NEK1: variants seen among roughly 807,000 people sequenced by gnomAD.
NEK1 encodes serine/threonine-protein kinase Nek1.
Under a neutral mutation model 182.1 loss-of-function variants are expected in NEK1, and 137 were observed. The ratio of observed to expected loss-of-function variants is 0.75; its 90% CI spans 0.65 to 0.87. The LOEUF is 0.87. Ranked by LOEUF, NEK1 falls within the 40% of genes least tolerant of loss-of-function variation. NEK1 has a pLI of 0.00. For missense variants in NEK1, 1,391 were observed against 1,494.4 expected (o/e 0.93, Z 1.14); for synonymous variants, 513 against 492.2 (o/e 1.04, Z -0.56).
At chr4:169,495,387 G>A (rs1171305504) in intron 23 of NEK1, among the ~76,000 whole-genome samples, 1 of 151,894 alleles carries the variant, frequency 6.6e-6, no homozygotes, top group African/African-American at 2.4e-5. Context: ...GGGACTACAG[G>A]CGCGCGCCAC....
chr4:169,492,916 C>T (rs1191744191), intron 23 of NEK1, among the ~76,000 whole-genome samples: 1 of 152,164 alleles, frequency 6.6e-6, no homozygotes, highest in Non-Finnish European at 1.5e-5. Context: ...GCCAATGCCT[C>T]GGAACAAACG....
At chr4:169,602,876 G>T (rs1471002963) in intron 2 of NEK1, among the ~76,000 whole-genome samples, 198 bp from the exon 3 acceptor site, 1 of 152,026 alleles carries the variant, frequency 6.6e-6, no homozygotes, top group East Asian at 1.9e-4. Flanking sequence ...AGAAAAAAAT[G>T]TGATATTTCA....
intron 12 of NEK1, among the ~76,000 whole-genome samples, chr4:169,563,784 A>C (rs76160720): frequency 7.3e-4 from 111 of 152,306 alleles, no homozygotes; most frequent in African/African-American, 2.6e-3. Flanking sequence ...AAACTTTTAA[A>C]AACAAAAGTT....
At chr4:169,424,457 T>G in intron 31 of NEK1, 96 bp downstream of exon 31, 1 of 1,368,014 alleles carries the variant, frequency 7.3e-7, no homozygotes. Flanking sequence ...TGTGTCTGTG[T>G]TAAGAGATTA....
In NEK1 at chr4:169,607,657, G is replaced by C. The variant is rs189882193; in HGVS notation, c.-49+4363C>G. Among the ~76,000 whole-genome samples the C allele has an allele frequency of 7.7e-4, 117 of 152,116 alleles. 5 individuals carry two copies. In the South Asian group the frequency reaches 0.023, roughly 29 times the overall value. On this transcript the variant is annotated intron_variant, in intron 2 of 35. Transcript: ENST00000507142. ...TTTTTGTATATTTAGTAGAGATGGG[G>C]TTTCACCGTGTTAGCCAGGATGGTC... is the stretch of plus-strand genomic sequence containing the variant.
intron 2 of NEK1, among the ~76,000 whole-genome samples, chr4:169,604,359 G>T (rs539835773): frequency 6.6e-6 from 1 of 152,208 alleles, no homozygotes; most frequent in Non-Finnish European, 1.5e-5. Context: ...TGAAAAAAGT[G>T]TGAGAAAGAG....
At chr4:169,511,166 T>C (rs924243681) in intron 19 of NEK1, among the ~76,000 whole-genome samples, 3 of 152,154 alleles carry the variant, frequency 2.0e-5, no homozygotes, top group Non-Finnish European at 2.9e-5. Flanking sequence ...AAAGTATTAC[T>C]GTAAGAGCAT....
chr4:169,536,698 A>T (rs1234724920), intron 19 of NEK1, among the ~76,000 whole-genome samples: 1 of 149,964 alleles, frequency 6.7e-6, no homozygotes, highest in Non-Finnish European at 1.5e-5. Flanking sequence ...AGTAAGACAT[A>T]AGGAATGATG....
At chr4:169,446,016 G>C (rs183180226) in intron 27 of NEK1, among the ~76,000 whole-genome samples, 93 of 151,856 alleles carry the variant, frequency 6.1e-4, no homozygotes, top group South Asian at 1.9e-3. Flanking sequence ...TTATAGGTGG[G>C]AGCTAAAAAA....
intron 27 of NEK1, among the ~76,000 whole-genome samples, chr4:169,460,281 C>T (rs573343820): frequency 6.6e-6 from 1 of 151,306 alleles, no homozygotes; most frequent in South Asian, 2.1e-4. Context: ...GGAGGCGTCA[C>T]GATCATGGCA....
At chr4:169,507,164 AC>A in intron 22 of NEK1, 32 bp from the exon 23 acceptor site, 1 of 1,265,308 alleles carries the variant, frequency 7.9e-7, no homozygotes, top group Admixed American at 2.3e-5. Flanking sequence ...AAAATGAGTT[AC>A]CAGAAAGAAG....
Position 169,477,554 on chromosome 4 carries a change from T to C in NEK1, c.2140-57A>G, listed in dbSNP as rs934028599. The C allele has an allele frequency of 5.6e-6, 7 of 1,246,500 alleles. No homozygotes were observed. The African/African-American group carries it at 9.1e-5, about 16-fold the overall frequency. 77.2% of individuals were successfully genotyped at this position (1,246,500 alleles called of 1,614,324 possible). ...TAATTTTATTTTTTTAAATCTACCT[T>C]TAAAAATATTACATCCTCGTTACTT... is the stretch of plus-strand genomic sequence containing the variant. On this transcript the variant is annotated intron_variant, in intron 24 of 35. Transcript: ENST00000507142.
intron 27 of NEK1, among the ~76,000 whole-genome samples, chr4:169,453,716 TA>T (rs1290044061): frequency 2.0e-5 from 3 of 152,238 alleles, no homozygotes; most frequent in Admixed American, 6.5e-5. Flanking sequence ...TCATTTCCCA[TA>T]AGGGATATTT....
chr4:169,471,383 C>T (rs1745932211), intron 26 of NEK1, among the ~76,000 whole-genome samples: 1 of 152,196 alleles, frequency 6.6e-6, no homozygotes, highest in African/African-American at 2.4e-5. Context: ...TCAGGCCCCT[C>T]TTCTGCAGGT....
At chr4:169,454,876 C>G (rs1477479875) in intron 27 of NEK1, among the ~76,000 whole-genome samples, 2 of 152,166 alleles carry the variant, frequency 1.3e-5, no homozygotes, top group Non-Finnish European at 2.9e-5. Flanking sequence ...GACACATGCA[C>G]ATGTATGTTT....
intron 12 of NEK1, among the ~76,000 whole-genome samples, chr4:169,566,079 T>C (rs1198859096): frequency 6.6e-6 from 1 of 152,220 alleles, no homozygotes; most frequent in East Asian, 1.9e-4. Flanking sequence ...TTAACTTTAG[T>C]AGCCAGTCTA....
intron 26 of NEK1, among the ~76,000 whole-genome samples, chr4:169,464,177 C>G (rs1038589381): frequency 3.0e-5 from 4 of 133,456 alleles, no homozygotes; most frequent in Admixed American, 1.4e-4. Flanking sequence ...AAAAATACTT[C>G]GTAGTTAAAA....
At chr4:169,606,792 C>T (rs1771416240) in intron 2 of NEK1, among the ~76,000 whole-genome samples, 1 of 152,220 alleles carries the variant, frequency 6.6e-6, no homozygotes, top group Admixed American at 6.5e-5. Flanking sequence ...CAGATCACCT[C>T]ACCTTCCAAA....
At chr4:169,505,474 A>G (rs1165204274) in intron 23 of NEK1, among the ~76,000 whole-genome samples, 2 of 152,258 alleles carry the variant, frequency 1.3e-5, no homozygotes, top group Non-Finnish European at 2.9e-5. Flanking sequence ...AATACAGCAT[A>G]TAATACACAT....
Sources: allele counts gnomAD v4.1 joint callset (sites outside exome capture counted in the v4.1 genomes callset), GRCh38; gene constraint gnomAD v4.1.1; transcripts MANE v1.5; gene names NCBI Gene and HGNC (gene_info 2026-07-23, HGNC 2026-07-21).